MEF2B: variants seen among roughly 807,000 people sequenced by gnomAD.
MEF2B encodes the protein myocyte-specific enhancer factor 2B.
In MEF2B, 15 loss-of-function variants were observed where a neutral mutation model predicts 32.2. That is an observed-to-expected ratio of 0.47 (90% CI 0.31 to 0.72). The LOEUF (loss-of-function observed/expected upper bound fraction) is 0.72, where lower values mean the gene tolerates loss of function less well. MEF2B is among the 30% of genes least tolerant of loss of function. MEF2B has a pLI of 0.05. For synonymous variants in MEF2B, 205 were observed against 225.6 expected, an observed-to-expected ratio of 0.91 and a Z score of 0.82; for missense variants, 441 against 511.5, an observed-to-expected ratio of 0.86 and a Z score of 1.33.
rs560376334 is a variant in MEF2B, at chr19:19,160,184, G to A, written c.-29-9420C>T. Among the ~76,000 whole-genome samples, 14 of 152,050 alleles carry A rather than the reference G, an allele frequency of 9.2e-5. No individual in the cohort carries two copies. In the East Asian group the frequency reaches 2.1e-3, roughly 23 times the overall value. ...GGGGTTTCAGCATGTTGGCCAGGCT[G>A]GTCTCGAACTCCTGACCTCAAGTGA... is the stretch of plus-strand genomic sequence containing the variant. On this transcript the variant is annotated intron_variant, in intron 1 of 8. Coordinates refer to ENST00000424583, the MANE Select transcript of MEF2B (RefSeq NM_001145785.2).
chr19:19,150,910 A>G, intron 1 of MEF2B, 146 bp from the exon 2 acceptor site: 2 of 966,894 alleles, frequency 2.1e-6, no homozygotes, highest in Non-Finnish European at 3.1e-6. Context: ...TCACTGTCGC[A>G]GACCCCGCCC....
intron 2 of MEF2B, 123 bp downstream of exon 2, chr19:19,150,559 C>A: frequency 8.7e-7 from 1 of 1,143,332 alleles, no homozygotes; most frequent in South Asian, 1.6e-5. Flanking sequence ...GCTGACATGG[C>A]ATCAGGACTC....
At chr19:19,168,530 C>A (rs918513644) in intron 1 of MEF2B, among the ~76,000 whole-genome samples, 7 of 151,858 alleles carry the variant, frequency 4.6e-5, no homozygotes, top group Admixed American at 3.9e-4. Flanking sequence ...GCCTCAGCCT[C>A]CCAAAGTGCT....
At chr19:19,169,647 T>G (rs1299446881) in intron 1 of MEF2B, among the ~76,000 whole-genome samples, 2 of 152,146 alleles carry the variant, frequency 1.3e-5, no homozygotes, top group East Asian at 3.9e-4. Context: ...CCTTGTCATG[T>G]GCTAACAACC....
intron 1 of MEF2B, among the ~76,000 whole-genome samples, chr19:19,160,885 G>C (rs2060156454): frequency 6.6e-6 from 1 of 152,080 alleles, no homozygotes; most frequent in Non-Finnish European, 1.5e-5. Context: ...CAGAGCCCTG[G>C]GCCCGCCTCC....
In MEF2B at chr19:19,158,753, G is replaced by A. The variant is rs971837726; in HGVS notation, c.-29-7989C>T. On this transcript the variant is annotated intron_variant, in intron 1 of 8. Coordinates refer to ENST00000424583, the MANE Select transcript of MEF2B (RefSeq NM_001145785.2). ...AGCCTGGGTGACACAGCCAGACGCT[G>A]TCTCAGAAAAATAAATAAACAAAAA... Among the ~76,000 whole-genome samples, 41 of 151,330 alleles carry A rather than the reference G, an allele frequency of 2.7e-4. 1 individual carries two copies. The highest frequency in any genetic ancestry group is 4.4e-5 in the Non-Finnish European group (3 of 67,850).
chr19:19,147,301 C>T lies in MEF2B; in HGVS notation c.394-118G>A, dbSNP rs1239677365. ...CTCTACCTTCAGGAAGCCTTTGCTC[C>T]ACCTCCCACCAGGCTCCCTACCTGC... On this transcript the variant is annotated intron_variant, in intron 4 of 8. Coordinates refer to ENST00000424583, the MANE Select transcript of MEF2B (RefSeq NM_001145785.2). 5 of 864,342 alleles carry T rather than the reference C, an allele frequency of 5.8e-6. 2 individuals carry two copies. The African/African-American group carries it at 7.9e-5, about 14-fold the overall frequency. The allele number at this position is 864,342 out of a possible 1,614,324, so 53.5% of individuals were successfully genotyped here.
intron 1 of MEF2B, among the ~76,000 whole-genome samples, chr19:19,154,859 G>A (rs2060109710): frequency 1.3e-5 from 2 of 152,198 alleles, no homozygotes. Context: ...TGGAGAGAAG[G>A]CAAGGGCTGT....
In MEF2B at chr19:19,145,642, G is replaced by A; in HGVS notation, c.*155C>T. On this transcript the variant is annotated 3_prime_UTR_variant, in exon 9 of 9. Coordinates refer to ENST00000424583, the MANE Select transcript of MEF2B (RefSeq NM_001145785.2). This position sits in a 1 kb window ranked among gnomAD's most constrained non-coding sequence, Gnocchi z 4.6. ...AGGAAGAAGGAAAGGAGCCCCCCAGGGTGGATTGAGTCCAGCCGCCCACCT... is the reference window on the plus strand; with the variant it reads ...AGGAAGAAGGAAAGGAGCCCCCCAGAGTGGATTGAGTCCAGCCGCCCACCT... The A allele has an allele frequency of 6.6e-7, 1 of 1,506,224 alleles. No individual in the cohort carries two copies. Among genetic ancestry groups the A allele is most frequent in the South Asian group, 1.2e-5 (1 of 81,112 alleles). 93.3% of individuals were successfully genotyped at this position (1,506,224 alleles called of 1,614,324 possible). A position where few individuals can be genotyped will look rare whatever the true frequency, so the allele number is the denominator to read the frequency against.
intron 8 of MEF2B, 45 bp downstream of exon 8, chr19:19,146,227 CG>C: frequency 1.1e-6 from 1 of 919,236 alleles, no homozygotes; most frequent in Non-Finnish European, 1.5e-6. Context: ...CAGCAGCGGC[CG>C]GGGCTTTGGA....
At chr19:19,163,524 G>A (rs1458791596) in intron 1 of MEF2B, among the ~76,000 whole-genome samples, 1 of 152,164 alleles carries the variant, frequency 6.6e-6, no homozygotes, top group African/African-American at 2.4e-5. Flanking sequence ...TTTCTTTGAT[G>A]AGCATCTCGC....
intron 1 of MEF2B, among the ~76,000 whole-genome samples, chr19:19,162,384 C>T (rs926644145): frequency 4.6e-5 from 7 of 152,198 alleles, no homozygotes; most frequent in Non-Finnish European, 2.9e-5. Context: ...CCTCCTGCCT[C>T]AGCCTCCCTA....
Position 19,146,284 on chromosome 19 carries a change from G to T in MEF2B, c.870C>A (p.Ser290=). 4 of 1,335,298 alleles carry T rather than the reference G, an allele frequency of 3.0e-6. No individual in the cohort carries two copies. The highest frequency in any genetic ancestry group is 2.9e-6 in the Non-Finnish European group (3 of 1,035,660). 82.7% of individuals were successfully genotyped at this position (1,335,298 alleles called of 1,614,324 possible). Residue 290 remains serine (S), a synonymous_variant, in exon 8 of 9, where the codon TCC becomes TCA. Coordinates refer to ENST00000424583, the MANE Select transcript of MEF2B (RefSeq NM_001145785.2). ...CTCAGGGCACTTACCTGGGCTGGGA[G>T]GACACGGCGGGGGGCCCATCACCCC... ...PSRGDGPPAV[S]SQPSGGRSLG... is the part of the protein sequence containing the mutation.
chr19:19,169,780 T>TAC (rs2060238843), intron 1 of MEF2B, among the ~76,000 whole-genome samples: 1 of 151,976 alleles, frequency 6.6e-6, no homozygotes, highest in Non-Finnish European at 1.5e-5. Context: ...CAAACGAGTG[T>TAC]ACACCCACAG....
intron 8 of MEF2B, 34 bp downstream of exon 8, chr19:19,146,239 G>T: frequency 1.0e-6 from 1 of 966,940 alleles, no homozygotes; most frequent in Non-Finnish European, 1.4e-6. Context: ...GGGCTTTGGA[G>T]GACTGGGACT....
intron 1 of MEF2B, among the ~76,000 whole-genome samples, chr19:19,168,147 C>T (rs1049652268): frequency 7.9e-5 from 12 of 152,218 alleles, no homozygotes; most frequent in African/African-American, 2.9e-4. Context: ...CAGTTTCCTT[C>T]ACTCCAAGAG....
At chr19:19,162,667 C>T (rs1354364761) in intron 1 of MEF2B, among the ~76,000 whole-genome samples, 1 of 152,122 alleles carries the variant, frequency 6.6e-6, no homozygotes, top group Non-Finnish European at 1.5e-5. Flanking sequence ...TGGGCCTGCT[C>T]CTGGGAGGGA....
chr19:19,159,967 CT>C (rs940709586), intron 1 of MEF2B, among the ~76,000 whole-genome samples: 2,461 of 132,236 alleles, frequency 0.019, 61 homozygotes, highest in African/African-American at 0.057. Flanking sequence ...GTCTACTGAA[CT>C]TTTTTTTTTT....
intron 4 of MEF2B, 23 bp from the exon 5 acceptor site, chr19:19,147,206 T>G (rs1599718664): frequency 5.9e-6 from 8 of 1,366,956 alleles, no homozygotes; most frequent in South Asian, 1.3e-5. Flanking sequence ...AAGGGATGGG[T>G]CAGAGGACCC....
Sources: allele counts gnomAD v4.1 joint callset (sites outside exome capture counted in the v4.1 genomes callset), GRCh38; gene constraint gnomAD v4.1.1; non-coding constraint Gnocchi (gnomAD v3.1); transcripts MANE v1.5; gene names NCBI Gene and HGNC (gene_info 2026-07-23, HGNC 2026-07-21).